KYNU: variants seen among roughly 807,000 people sequenced by gnomAD.
KYNU encodes L-kynurenine hydrolase.
KYNU carries 54 observed loss-of-function variants against 59.2 expected under a neutral mutation model. That is an observed-to-expected ratio of 0.91 (90% CI 0.73 to 1.14). The LOEUF is 1.14. Ranked by LOEUF, KYNU falls within the 50% of genes most tolerant of loss-of-function variation. The probability of loss-of-function intolerance (pLI) is 0.00; values close to 1 mark genes in which losing one functional copy is unlikely to be tolerated. For missense variants in KYNU, 567 were observed against 554.4 expected, an observed-to-expected ratio of 1.02 and a Z score of -0.23; for synonymous variants, 177 against 192.0, an observed-to-expected ratio of 0.92 and a Z score of 0.65.
intron 8 of KYNU, 129 bp from the exon 9 acceptor site, chr2:142,984,955 A>G: frequency 9.9e-6 from 7 of 706,010 alleles, no homozygotes; most frequent in South Asian, 1.5e-5. Flanking sequence ...TACTTTGTGA[A>G]CCATTGCATC....
intron 1 of KYNU, among the ~76,000 whole-genome samples, chr2:142,881,053 A>G (rs1449515021): frequency 1.3e-5 from 2 of 152,240 alleles, no homozygotes; most frequent in Non-Finnish European, 2.9e-5. Context: ...ACATCCTAAC[A>G]GGCCTCTTGA....
intron 2 of KYNU, among the ~76,000 whole-genome samples, chr2:142,893,131 C>A (rs918727972): frequency 2.0e-5 from 3 of 152,136 alleles, no homozygotes; most frequent in African/African-American, 7.2e-5. Flanking sequence ...GTACAACTAG[C>A]AGTTGAGTTT....
intron 4 of KYNU, among the ~76,000 whole-genome samples, chr2:142,937,007 G>T (rs1049397115): frequency 6.6e-6 from 1 of 152,150 alleles, no homozygotes; most frequent in African/African-American, 2.4e-5. Context: ...GCTGAAAATG[G>T]CATCAGCACC....
intron 3 of KYNU, among the ~76,000 whole-genome samples, chr2:142,925,246 A>T (rs1290378458): frequency 6.6e-6 from 1 of 152,228 alleles, no homozygotes; most frequent in Admixed American, 6.5e-5. Flanking sequence ...TTTATATTAG[A>T]AATCAAGAAA....
rs1687259074 is a variant in KYNU, at chr2:143,051,097, C to A, written c.*8925C>A. The A allele has an allele frequency of 6.6e-6, 1 of 152,094 alleles. No individual in the cohort carries two copies. Among genetic ancestry groups the A allele is most frequent in the African/African-American group, 2.4e-5 (1 of 41,424 alleles). The allele number at this position is 152,094 out of a possible 1,614,324, so 9.4% of individuals were successfully genotyped here. ...CAAATAACACAATAATAATGGAGGT[C>A]ATTGTGAAGTAGTGGATGTAAATAG... is the stretch of plus-strand genomic sequence containing the variant. On this transcript the variant is annotated 3_prime_UTR_variant, in exon 14 of 14. Coordinates refer to ENST00000264170, the MANE Select transcript of KYNU (RefSeq NM_003937.3).
intron 10 of KYNU, among the ~76,000 whole-genome samples, chr2:142,999,179 A>G (rs1044514778): frequency 2.6e-5 from 4 of 152,034 alleles, no homozygotes; most frequent in Non-Finnish European, 5.9e-5. Flanking sequence ...ATGGTTTTGC[A>G]TTTTCTGTGA....
chr2:143,001,237 A>G (rs1279031443), intron 10 of KYNU, among the ~76,000 whole-genome samples: 1 of 152,096 alleles, frequency 6.6e-6, no homozygotes, highest in Admixed American at 6.6e-5. Context: ...CCACAATTCC[A>G]TTGAATATAC....
chr2:143,007,300 G>A lies in KYNU; in HGVS notation c.902+21279G>A, dbSNP rs965599285. ...ACCGGTGCGATCAACTGGAAGAAAG[G>A]GTATCAGCGATGGAAGATGAAATGA... On this transcript the variant is annotated intron_variant, in intron 10 of 13. Transcript: ENST00000264170. 3.3e-5 allele frequency among the ~76,000 whole-genome samples: 5 copies of A among 150,038 alleles called. 1 individual carries two copies. Among genetic ancestry groups the A allele is most frequent in the African/African-American group, 1.3e-4 (5 of 39,732 alleles).
intron 10 of KYNU, among the ~76,000 whole-genome samples, chr2:143,003,558 G>T (rs1685773257): frequency 6.6e-6 from 1 of 152,122 alleles, no homozygotes; most frequent in Non-Finnish European, 1.5e-5. Context: ...CTCCAGCCTG[G>T]GTGGCAGAGT....
At chr2:142,907,547 G>A (rs762390031) in intron 2 of KYNU, among the ~76,000 whole-genome samples, 12 of 152,200 alleles carry the variant, frequency 7.9e-5, no homozygotes, top group Non-Finnish European at 1.2e-4. Context: ...AGCTCAAGCC[G>A]TAACAAATAC....
At chr2:143,034,403 A>T (rs1281253368) in intron 12 of KYNU, among the ~76,000 whole-genome samples, 1 of 152,176 alleles carries the variant, frequency 6.6e-6, no homozygotes, top group Non-Finnish European at 1.5e-5. Context: ...AATTCCTTCT[A>T]ATCTAAAATT....
At chr2:142,912,416 G>T (rs1682513529) in intron 2 of KYNU, among the ~76,000 whole-genome samples, 1 of 118,514 alleles carries the variant, frequency 8.4e-6, no homozygotes, top group Non-Finnish European at 1.6e-5. Flanking sequence ...TTTCACTCGT[G>T]TTGCCCAGGC....
At chr2:142,918,572 A>ATTTT in intron 2 of KYNU, 37 bp from the exon 3 acceptor site, 3 of 1,310,840 alleles carry the variant, frequency 2.3e-6, no homozygotes, top group Non-Finnish European at 2.0e-6. Context: ...AAAAGCTTTT[A>ATTTT]TTTTTTTTTT....
intron 4 of KYNU, among the ~76,000 whole-genome samples, chr2:142,937,905 T>C (rs1029210184): frequency 2.0e-5 from 3 of 152,256 alleles, no homozygotes; most frequent in Non-Finnish European, 4.4e-5. Context: ...TTTGGTCATC[T>C]TCTCAATTTT....
At chr2:142,985,633 A>G (rs1183933269) in intron 9 of KYNU, among the ~76,000 whole-genome samples, 2 of 152,018 alleles carry the variant, frequency 1.3e-5, no homozygotes, top group African/African-American at 4.8e-5. Context: ...TTATTATTAC[A>G]ATATTTTAGG....
Position 143,040,659 on chromosome 2 carries a change from G to C in KYNU, c.1272+1G>C. ...AGAACTAGAAAAAAGAGGAGTGGTT[G>C]TAAGTATGTCTTGCTTTGCTACCAG... is the stretch of plus-strand genomic sequence containing the variant. On this transcript the variant is annotated splice_donor_variant, in intron 13 of 13. Transcript: ENST00000264170. LOFTEE classifies it high-confidence loss of function. 1 of 1,587,728 alleles carries C rather than the reference G, an allele frequency of 6.3e-7. No individual in the cohort carries two copies. The highest frequency in any genetic ancestry group is 8.6e-7 in the Non-Finnish European group (1 of 1,161,020).
intron 10 of KYNU, among the ~76,000 whole-genome samples, chr2:143,019,134 C>T (rs1283351218): frequency 6.6e-6 from 1 of 152,046 alleles, no homozygotes; most frequent in East Asian, 1.9e-4. Flanking sequence ...ATTTATTTCT[C>T]TTGCCTGATT....
At chr2:142,885,782 C>A (rs116463236) in intron 2 of KYNU, among the ~76,000 whole-genome samples, 1 of 152,198 alleles carries the variant, frequency 6.6e-6, no homozygotes, top group Non-Finnish European at 1.5e-5. Context: ...AACTACTTCT[C>A]TGAACAATTG....
chr2:143,021,217 A>T (rs999465375), intron 10 of KYNU, among the ~76,000 whole-genome samples: 1 of 152,140 alleles, frequency 6.6e-6, no homozygotes, highest in Non-Finnish European at 1.5e-5. Flanking sequence ...TTTTTAAAAA[A>T]TATATTGTTG....
Sources: gnomAD v4.1 joint callset for allele counts (sites outside exome capture counted in the v4.1 genomes callset) on GRCh38, gnomAD v4.1.1 for gene constraint, MANE v1.5 for transcripts, NCBI Gene and HGNC (gene_info 2026-07-23, HGNC 2026-07-21) for gene names.